KCNIP4: variants seen among roughly 807,000 people sequenced by gnomAD.
KCNIP4 encodes potassium voltage-gated channel interacting protein 4.
KCNIP4 carries 12 observed loss-of-function variants against 34.0 expected under a neutral mutation model. The observed-to-expected ratio is 0.35, with a 90% CI of 0.23 to 0.57. KCNIP4 has a LOEUF of 0.57. Ranked by LOEUF, KCNIP4 falls within the 20% of genes least tolerant of loss-of-function variation. KCNIP4 has a pLI of 0.83. For missense variants in KCNIP4, 238 were observed against 311.7 expected (o/e 0.76, Z 1.78); for synonymous variants, 124 against 102.2 (o/e 1.21, Z -1.29).
intron 1 of KCNIP4, among the ~76,000 whole-genome samples, chr4:21,234,277 T>TATATATAACATATATTATATATAAC (rs1759127984): frequency 2.6e-5 from 2 of 76,658 alleles, no homozygotes; most frequent in Non-Finnish European, 3.9e-5. Flanking sequence ...TAACATATAT[T>TATATATAACATATATTATATATAAC]ATATATAACA....
At chr4:20,748,597 TATATATA>T (rs1752939459) in intron 5 of KCNIP4, among the ~76,000 whole-genome samples, 2 of 104,480 alleles carry the variant, frequency 1.9e-5, no homozygotes, top group East Asian at 2.5e-4. Flanking sequence ...TATATATATA[TATATATA>T]TTCCATAAGT....
intron 1 of KCNIP4, among the ~76,000 whole-genome samples, chr4:20,964,529 G>GTGGTAATT (rs1463042160): frequency 6.6e-6 from 1 of 152,122 alleles, no homozygotes; most frequent in African/African-American, 2.4e-5. Flanking sequence ...TGGGGGGGAG[G>GTGGTAATT]TGGTAATTAA....
intron 1 of KCNIP4, among the ~76,000 whole-genome samples, chr4:21,064,626 T>C (rs533100056): frequency 5.0e-4 from 76 of 152,228 alleles, no homozygotes; most frequent in African/African-American, 1.7e-3. Flanking sequence ...GGAAAATTCA[T>C]GGAAAGAACT....
At chr4:21,291,901 A>AAGAT (rs1560260008) in intron 1 of KCNIP4, among the ~76,000 whole-genome samples, 8 of 85,964 alleles carry the variant, frequency 9.3e-5, no homozygotes, top group Non-Finnish European at 1.4e-4. Flanking sequence ...GAAAGAAAGA[A>AAGAT]AGAAAGAAAG....
intron 1 of KCNIP4, among the ~76,000 whole-genome samples, chr4:21,139,794 C>T (rs1281569733): frequency 1.3e-5 from 2 of 152,188 alleles, no homozygotes; most frequent in African/African-American, 4.8e-5. Context: ...ATATCCTACA[C>T]ACTAAATACC....
At chr4:21,486,214 CTGATA>C (rs1731900052) in intron 1 of KCNIP4, among the ~76,000 whole-genome samples, 1 of 150,578 alleles carries the variant, frequency 6.6e-6, no homozygotes, top group Non-Finnish European at 1.5e-5. Flanking sequence ...GTGGACTGAC[CTGATA>C]TATGTTTCCT....
chr4:20,729,961 T>G lies in KCNIP4; in HGVS notation c.*121A>C. On this transcript the variant is annotated 3_prime_UTR_variant, in exon 9 of 9. Coordinates refer to ENST00000382152, the MANE Select transcript of KCNIP4 (RefSeq NM_025221.6). ...GGATTGCTTTATATTAAAACAAAGC[T>G]TGTTTGCATAATATGCTTCAGTGTC... 8.5e-7 allele frequency: 1 copy of G among 1,174,748 alleles called. No individual in the cohort carries two copies. Among genetic ancestry groups the G allele is most frequent in the African/African-American group, 1.6e-5 (1 of 63,874 alleles). The allele number at this position is 1,174,748 out of a possible 1,614,324, so 72.8% of individuals were successfully genotyped here. A position where few individuals can be genotyped will look rare whatever the true frequency, so the allele number is the denominator to read the frequency against.
intron 5 of KCNIP4, among the ~76,000 whole-genome samples, chr4:20,742,852 G>A (rs1342694738): frequency 6.6e-6 from 1 of 152,120 alleles, no homozygotes; most frequent in Non-Finnish European, 1.5e-5. Flanking sequence ...AAACTGATAA[G>A]CAACTTAAGC....
chr4:21,013,935 C>A (rs990052763), intron 1 of KCNIP4, among the ~76,000 whole-genome samples: 1 of 152,140 alleles, frequency 6.6e-6, no homozygotes, highest in Non-Finnish European at 1.5e-5. Flanking sequence ...CTGCTGTCCT[C>A]ATTATCCCTT....
chr4:21,705,092 G>T (rs1399946808), intron 1 of KCNIP4, among the ~76,000 whole-genome samples: 1 of 152,148 alleles, frequency 6.6e-6, no homozygotes. Flanking sequence ...GAATTACACA[G>T]AGTGAAAATG....
intron 1 of KCNIP4, among the ~76,000 whole-genome samples, chr4:21,740,329 G>A (rs896334100): frequency 5.3e-5 from 8 of 151,856 alleles, no homozygotes; most frequent in Non-Finnish European, 2.9e-5. Flanking sequence ...TATTTTCAAA[G>A]ACCTACCCTT....
chr4:21,266,636 T>A (rs938329771), intron 1 of KCNIP4, among the ~76,000 whole-genome samples: 1 of 152,134 alleles, frequency 6.6e-6, no homozygotes, highest in Non-Finnish European at 1.5e-5. Flanking sequence ...GTGGGGTGTA[T>A]CTATTAGGCA....
intron 1 of KCNIP4, among the ~76,000 whole-genome samples, chr4:21,703,903 A>G (rs949022866): frequency 3.3e-5 from 5 of 152,212 alleles, no homozygotes; most frequent in African/African-American, 9.6e-5. Flanking sequence ...AAGTCTTGAA[A>G]TCAGGTAGAA....
chr4:21,286,554 G>A (rs1311452743), intron 1 of KCNIP4, among the ~76,000 whole-genome samples: 3 of 152,166 alleles, frequency 2.0e-5, no homozygotes, highest in Admixed American at 6.5e-5. Context: ...ACTATAGCCA[G>A]AAACATTTCT....
chr4:21,206,346 A>G (rs1207876916), intron 1 of KCNIP4, among the ~76,000 whole-genome samples: 1 of 152,198 alleles, frequency 6.6e-6, no homozygotes, highest in East Asian at 1.9e-4. Context: ...TAGTCATACT[A>G]AGTGGCTTTG....
intron 1 of KCNIP4, among the ~76,000 whole-genome samples, chr4:21,258,445 T>C (rs1761226190): frequency 6.6e-6 from 1 of 152,170 alleles, no homozygotes. Flanking sequence ...TTTTCTTTAA[T>C]TGGACACCCA....
intron 1 of KCNIP4, among the ~76,000 whole-genome samples, chr4:20,897,807 C>A (rs1298763937): frequency 2.6e-5 from 4 of 152,184 alleles, no homozygotes; most frequent in Admixed American, 6.5e-5. Context: ...GGATGTCCAG[C>A]CTCCAGAACT....
chr4:21,731,378 G>A (rs947574657), intron 1 of KCNIP4, among the ~76,000 whole-genome samples: 10 of 152,110 alleles, frequency 6.6e-5, no homozygotes, highest in Admixed American at 2.0e-4. Context: ...ATACGCTTTC[G>A]ACGTGATAGA....
chr4:21,728,033 T>C (rs894957472), intron 1 of KCNIP4, among the ~76,000 whole-genome samples: 2 of 152,256 alleles, frequency 1.3e-5, no homozygotes, highest in East Asian at 3.9e-4. Context: ...TTACACTTTC[T>C]GTCTTCTGGA....
Sources: gnomAD v4.1 joint callset for allele counts (sites outside exome capture counted in the v4.1 genomes callset) on GRCh38, gnomAD v4.1.1 for gene constraint, MANE v1.5 for transcripts, NCBI Gene and HGNC (gene_info 2026-07-23, HGNC 2026-07-21) for gene names.